The following SDK1 variants were observed in gnomAD, a reference collection of about 807,000 sequenced individuals.
The protein encoded by SDK1 is protein sidekick-1.
SDK1 carries 157 observed loss-of-function variants against 245.5 expected under a neutral mutation model. The ratio of observed to expected loss-of-function variants is 0.64; its 90% CI spans 0.56 to 0.73. The LOEUF is 0.73. Among genes scored for constraint, SDK1 ranks in the 30% least tolerant of loss-of-function variants. The pLI, the probability that SDK1 is intolerant of heterozygous loss-of-function variation, is 0.00. For synonymous variants in SDK1, 1,647 were observed against 1,278.5 expected, an observed-to-expected ratio of 1.29 and a Z score of -6.15; for missense variants, 3,583 against 3,002.3, an observed-to-expected ratio of 1.19 and a Z score of -4.52.
intron 32 of SDK1, among the ~76,000 whole-genome samples, chr7:4,167,410 CAAAAA>C (rs1781563927): frequency 1.5e-5 from 2 of 136,074 alleles, no homozygotes; most frequent in African/African-American, 6.8e-5. Flanking sequence ...TTGAAAAAAA[CAAAAA>C]CAACAACAGC....
chr7:3,367,420 A>G (rs755842627), intron 1 of SDK1, among the ~76,000 whole-genome samples: 10 of 152,304 alleles, frequency 6.6e-5, no homozygotes, highest in Admixed American at 1.3e-4. Context: ...TTTCAAGCCA[A>G]CTGTCACAGG....
At chr7:4,200,583 A>G (rs1352635762) in intron 35 of SDK1, among the ~76,000 whole-genome samples, 1 of 152,184 alleles carries the variant, frequency 6.6e-6, no homozygotes, top group Non-Finnish European at 1.5e-5. Flanking sequence ...GTGGGATTCC[A>G]TTGTTCGTGG....
chr7:3,943,074 C>T (rs1780429113), intron 5 of SDK1, among the ~76,000 whole-genome samples: 1 of 152,204 alleles, frequency 6.6e-6, no homozygotes, highest in South Asian at 2.1e-4. Flanking sequence ...GCCAGGAGCA[C>T]TCGGCTGTGA....
intron 18 of SDK1, 95 bp downstream of exon 18, chr7:4,049,558 C>A: frequency 1.1e-6 from 1 of 911,534 alleles, no homozygotes; most frequent in South Asian, 1.4e-5. Context: ...GTATCAAGAG[C>A]TGGTTGCATT....
chr7:3,325,809 C>A (rs7780498), intron 1 of SDK1, among the ~76,000 whole-genome samples: 2 of 151,916 alleles, frequency 1.3e-5, no homozygotes, highest in Non-Finnish European at 1.5e-5. Context: ...TTCTGCTCAA[C>A]TAGTTTTTCC....
At chr7:3,615,806 T>C (rs1004735579) in intron 1 of SDK1, among the ~76,000 whole-genome samples, 1 of 151,708 alleles carries the variant, frequency 6.6e-6, no homozygotes, top group Non-Finnish European at 1.5e-5. Flanking sequence ...CCTCTTTTTT[T>C]CCTTCTCACA....
chr7:3,640,885 T>C (rs924343856), intron 3 of SDK1, among the ~76,000 whole-genome samples: 4 of 152,124 alleles, frequency 2.6e-5, no homozygotes, highest in Non-Finnish European at 5.9e-5. Context: ...GGCTTCACCA[T>C]GTTGGCCAGG....
chr7:3,791,162 C>T (rs1447755972), intron 4 of SDK1, among the ~76,000 whole-genome samples: 1 of 148,730 alleles, frequency 6.7e-6, no homozygotes, highest in Non-Finnish European at 1.5e-5. Flanking sequence ...AGTTTAAAAA[C>T]AACAAAAAAA....
At chr7:3,876,272 T>G (rs1252674302) in intron 5 of SDK1, among the ~76,000 whole-genome samples, 3 of 152,228 alleles carry the variant, frequency 2.0e-5, no homozygotes, top group African/African-American at 7.2e-5. Flanking sequence ...TCCAGCTTTT[T>G]GGGCAGCATT....
chr7:3,625,261 C>T (rs1782077602), intron 2 of SDK1, among the ~76,000 whole-genome samples: 1 of 152,118 alleles, frequency 6.6e-6, no homozygotes, highest in African/African-American at 2.4e-5. Flanking sequence ...GAAACTTCAT[C>T]AGAAACCGAT....
chr7:3,554,587 A>G (rs1173160283), intron 1 of SDK1, among the ~76,000 whole-genome samples: 3 of 152,200 alleles, frequency 2.0e-5, no homozygotes, highest in Admixed American at 2.0e-4. Flanking sequence ...TCATCTTCAT[A>G]AGAACCAAGA....
intron 17 of SDK1, among the ~76,000 whole-genome samples, chr7:4,018,011 G>A (rs1786554880): frequency 6.6e-6 from 1 of 152,160 alleles, no homozygotes; most frequent in Non-Finnish European, 1.5e-5. Flanking sequence ...TCAGCCCCAG[G>A]AGGAGCCAGC....
chr7:3,535,145 A>T (rs1369006414), intron 1 of SDK1, among the ~76,000 whole-genome samples: 1 of 152,062 alleles, frequency 6.6e-6, no homozygotes, highest in Non-Finnish European at 1.5e-5. Context: ...GCATGGTGAT[A>T]CGCACCTGTA....
intron 1 of SDK1, among the ~76,000 whole-genome samples, chr7:3,322,306 G>C (rs945722907): frequency 6.6e-6 from 1 of 152,102 alleles, no homozygotes; most frequent in African/African-American, 2.4e-5. Flanking sequence ...GTTGTGTTTT[G>C]TCATTACATC....
intron 4 of SDK1, among the ~76,000 whole-genome samples, chr7:3,760,688 G>A (rs956369867): frequency 1.2e-4 from 19 of 152,298 alleles, no homozygotes; most frequent in African/African-American, 4.6e-4. Flanking sequence ...ATTTGGATGT[G>A]GTGTTTGGGA....
intron 1 of SDK1, among the ~76,000 whole-genome samples, chr7:3,572,569 C>T (rs1780150206): frequency 6.6e-6 from 1 of 152,068 alleles, no homozygotes; most frequent in East Asian, 1.9e-4. Flanking sequence ...AGCAAATCGT[C>T]TCACTGTGTG....
chr7:3,562,651 A>G (rs1398998766), intron 1 of SDK1, among the ~76,000 whole-genome samples: 2 of 152,198 alleles, frequency 1.3e-5, no homozygotes, highest in African/African-American at 2.4e-5. Context: ...AAGTTATGAT[A>G]AAGTATACAT....
intron 19 of SDK1, among the ~76,000 whole-genome samples, chr7:4,065,359 A>G (rs1259804585): frequency 1.3e-5 from 2 of 152,212 alleles, no homozygotes; most frequent in Non-Finnish European, 2.9e-5. Flanking sequence ...GTAGCAGTAA[A>G]GAGGAAACAG....
At chr7:3,717,142 T>A (rs1375442457) in intron 4 of SDK1, among the ~76,000 whole-genome samples, 1 of 152,200 alleles carries the variant, frequency 6.6e-6, no homozygotes, top group East Asian at 1.9e-4. Flanking sequence ...TGTGATAGGT[T>A]ATAGATGCCT....
Sources: gnomAD v4.1 joint callset for allele counts (sites outside exome capture counted in the v4.1 genomes callset) on GRCh38, gnomAD v4.1.1 for gene constraint, MANE v1.5 for transcripts, NCBI Gene and HGNC (gene_info 2026-07-23, HGNC 2026-07-21) for gene names.